The following PCNT variants were observed in gnomAD, a reference collection of about 807,000 sequenced individuals.
PCNT encodes the protein pericentrin, also known as kendrin.
In PCNT, 319 loss-of-function variants were observed where a neutral mutation model predicts 380.4. The ratio of observed to expected loss-of-function variants is 0.84; its 90% CI spans 0.77 to 0.92. PCNT has a LOEUF of 0.92. Among genes scored for constraint, PCNT ranks in the 40% least tolerant of loss-of-function variants. The pLI, the probability that PCNT is intolerant of heterozygous loss-of-function variation, is 0.00. For synonymous variants in PCNT, 1,845 were observed against 1,735.2 expected (o/e 1.06, Z -1.57); for missense variants, 4,400 against 4,255.3 (o/e 1.03, Z -0.95).
At chr21:46,329,456 A>G (rs897540815) in intron 2 of PCNT, among the ~76,000 whole-genome samples, 2 of 152,260 alleles carry the variant, frequency 1.3e-5, no homozygotes, top group African/African-American at 2.4e-5. Flanking sequence ...CAATAAACAC[A>G]TTAGGTTACT....
At chr21:46,423,819 GAGGAGGGGGAGGGGGAGGGGAGA>G in intron 32 of PCNT, among the ~76,000 whole-genome samples, 1 of 49,926 alleles carries the variant, frequency 2.0e-5, no homozygotes, top group Non-Finnish European at 4.1e-5. Flanking sequence ...AGTGGGAGGG[GAGGAGGGGGAGGGGGAGGGGAGA>G]GGGGAGGAGG....
chr21:46,404,642 A>C (rs1409791306), intron 27 of PCNT, among the ~76,000 whole-genome samples: 2 of 152,188 alleles, frequency 1.3e-5, no homozygotes, highest in Non-Finnish European at 2.9e-5. Context: ...AATATTTATA[A>C]TACTTTTCAA....
chr21:46,400,512 C>CTTTTTTTTTTTTTT (rs1215264897), intron 25 of PCNT, among the ~76,000 whole-genome samples: 1 of 84,540 alleles, frequency 1.2e-5, no homozygotes, highest in African/African-American at 4.6e-5. Flanking sequence ...GTGTCTGATT[C>CTTTTTTTTTTTTTT]TTTTTTTTTT....
intron 13 of PCNT, among the ~76,000 whole-genome samples, chr21:46,360,054 G>A (rs564796946): frequency 2.0e-5 from 3 of 150,054 alleles, no homozygotes; most frequent in Admixed American, 6.7e-5. Context: ...ATGAGGTTTC[G>A]CCATGTTGTC....
chr21:46,344,237 C>G (rs906382726), intron 3 of PCNT, among the ~76,000 whole-genome samples: 7 of 151,986 alleles, frequency 4.6e-5, no homozygotes, highest in African/African-American at 1.7e-4. Flanking sequence ...CCACGCCCAG[C>G]TAATTTTTTT....
At chr21:46,333,357 G>A (rs1436288748) in intron 2 of PCNT, among the ~76,000 whole-genome samples, 18 of 151,026 alleles carry the variant, frequency 1.2e-4, no homozygotes, top group African/African-American at 3.2e-4. Context: ...GCGTGAACCC[G>A]GGAGGCAGAG....
At chr21:46,406,605 A>G (rs1282091879) in intron 27 of PCNT, among the ~76,000 whole-genome samples, 2 of 152,250 alleles carry the variant, frequency 1.3e-5, no homozygotes, top group African/African-American at 4.8e-5. Flanking sequence ...TCCTTCTTTT[A>G]TTACAATGTC....
At position 46,363,452 on chromosome 21, in the gene PCNT, C is replaced by T. The variant is rs746966772; in HGVS notation, c.2155-28C>T. The T allele has an allele frequency of 3.8e-6, 6 of 1,573,778 alleles. No individual in the cohort carries two copies. The South Asian group carries it at 5.6e-5, about 15-fold the overall frequency. On this transcript the variant is annotated intron_variant, in intron 13 of 46. Transcript: ENST00000359568. ...ATAATCTCTTCCATTAGCGTCTTTC[C>T]TCCTAAATGAAATTATGTTGTCTGT...
At chr21:46,356,198 A>G (rs932582523) in intron 12 of PCNT, among the ~76,000 whole-genome samples, 4 of 152,104 alleles carry the variant, frequency 2.6e-5, no homozygotes, top group African/African-American at 7.2e-5. Flanking sequence ...GACTGTGCTG[A>G]TGGTGGGGCT....
chr21:46,438,072 C>T (rs952648563), intron 40 of PCNT, 92 bp from the exon 41 acceptor site: 2 of 1,025,188 alleles, frequency 2.0e-6, no homozygotes, highest in Non-Finnish European at 1.5e-6. Context: ...ACATTAATTA[C>T]AATCCCTAAA....
intron 27 of PCNT, among the ~76,000 whole-genome samples, chr21:46,403,610 G>A (rs1343513237): frequency 7.8e-6 from 1 of 128,830 alleles, no homozygotes; most frequent in Non-Finnish European, 1.7e-5. Flanking sequence ...CAGCGTGGGA[G>A]AATCGTGTGT....
intron 13 of PCNT, among the ~76,000 whole-genome samples, chr21:46,359,851 T>C (rs2084641072): frequency 6.6e-6 from 1 of 151,926 alleles, no homozygotes; most frequent in African/African-American, 2.4e-5. Context: ...TCTTTTTTTA[T>C]TCGTTTTACC....
At chr21:46,331,765 CAAA>C (rs773653884) in intron 2 of PCNT, among the ~76,000 whole-genome samples, 2 of 134,990 alleles carry the variant, frequency 1.5e-5, no homozygotes, top group East Asian at 2.1e-4. Context: ...GGCCTTGTCT[CAAA>C]AAAAAAAAAA....
At chr21:46,351,146 C>A (rs559264089) in intron 8 of PCNT, among the ~76,000 whole-genome samples, 1 of 152,176 alleles carries the variant, frequency 6.6e-6, no homozygotes, top group African/African-American at 2.4e-5. Context: ...CCGCTGCGGC[C>A]GGCATGGAAC....
intron 15 of PCNT, among the ~76,000 whole-genome samples, chr21:46,367,655 C>T (rs2084976613): frequency 6.6e-6 from 1 of 152,094 alleles, no homozygotes; most frequent in African/African-American, 2.4e-5. Flanking sequence ...TGATCGCAGG[C>T]ACCTTGTTAA....
chr21:46,392,668 C>G (rs988091063), intron 21 of PCNT, among the ~76,000 whole-genome samples: 5 of 152,232 alleles, frequency 3.3e-5, no homozygotes, highest in Admixed American at 2.6e-4. Context: ...CTGGGTCCCA[C>G]AAGCTTATAA....
chr21:46,335,160 G>A (rs1198508457), intron 3 of PCNT, among the ~76,000 whole-genome samples: 1 of 152,122 alleles, frequency 6.6e-6, no homozygotes, highest in Non-Finnish European at 1.5e-5. Flanking sequence ...CTGTTTCTTA[G>A]GCCTGGTACC....
chr21:46,392,992 T>C (rs1473674175), intron 21 of PCNT, among the ~76,000 whole-genome samples: 1 of 152,246 alleles, frequency 6.6e-6, no homozygotes, highest in Non-Finnish European at 1.5e-5. Flanking sequence ...CTTCTTTTAG[T>C]CATTTAGCCA....
At position 46,430,388 on chromosome 21, in the gene PCNT, G is replaced by C. The variant is rs562878175; in HGVS notation, c.7914-119G>C. The C allele has an allele frequency of 3.5e-6, 5 of 1,424,042 alleles. No individual in the cohort carries two copies. In the East Asian group the frequency reaches 9.9e-5, roughly 28 times the overall value. The allele number at this position is 1,424,042 out of a possible 1,614,324, so 88.2% of individuals were successfully genotyped here. Reference sequence around the variant, plus strand: ...GTCCCTGGGTTGATAATCCTGTGGTGGGGGGTGAAGCACACGTGTGGGACC... The same window carrying C: ...GTCCCTGGGTTGATAATCCTGTGGTCGGGGGTGAAGCACACGTGTGGGACC... On this transcript the variant is annotated intron_variant, in intron 36 of 46. Transcript: ENST00000359568.
Sources: gnomAD v4.1 joint callset for allele counts (sites outside exome capture counted in the v4.1 genomes callset) on GRCh38, gnomAD v4.1.1 for gene constraint, MANE v1.5 for transcripts, NCBI Gene and HGNC (gene_info 2026-07-23, HGNC 2026-07-21) for gene names.